DDC: variants seen among roughly 807,000 people sequenced by gnomAD.
DDC encodes dopa decarboxylase, also known as aromatic-L-amino-acid decarboxylase.
A neutral mutation model predicts 60.0 loss-of-function variants in DDC; 43 were observed. The observed-to-expected ratio is 0.72, with a 90% CI of 0.56 to 0.92. The LOEUF (loss-of-function observed/expected upper bound fraction) is 0.92, where lower values mean the gene tolerates loss of function less well. Ranked by LOEUF, DDC falls within the 40% of genes least tolerant of loss-of-function variation. DDC has a pLI of 0.00. For missense variants in DDC, 573 were observed against 620.2 expected, an observed-to-expected ratio of 0.92 and a Z score of 0.81; for synonymous variants, 232 against 234.6, an observed-to-expected ratio of 0.99 and a Z score of 0.10.
At chr7:50,481,386 C>A (rs929362947) in intron 9 of DDC, among the ~76,000 whole-genome samples, 4 of 152,060 alleles carry the variant, frequency 2.6e-5, no homozygotes. Context: ...TCCTTTGGGT[C>A]TCTCTGCATT....
chr7:50,556,901 G>T (rs1341599418), intron 1 of DDC, among the ~76,000 whole-genome samples: 4 of 152,204 alleles, frequency 2.6e-5, no homozygotes, highest in Non-Finnish European at 4.4e-5. Flanking sequence ...AGAGAAAACA[G>T]CTTGAGCCCA....
intron 14 of DDC, among the ~76,000 whole-genome samples, chr7:50,462,428 G>C (rs1352795499): frequency 1.3e-5 from 2 of 152,114 alleles, no homozygotes; most frequent in African/African-American, 4.8e-5. Flanking sequence ...ACTGCATGCT[G>C]TCTCCAGGGT....
intron 1 of DDC, among the ~76,000 whole-genome samples, chr7:50,548,068 G>A (rs2044864444): frequency 6.6e-6 from 1 of 152,170 alleles, no homozygotes; most frequent in African/African-American, 2.4e-5. Context: ...TATTGTAATT[G>A]TTTTGGGACA....
At chr7:50,463,146 G>T in intron 14 of DDC, 67 bp downstream of exon 14, 3 of 1,313,410 alleles carry the variant, frequency 2.3e-6, no homozygotes, top group Non-Finnish European at 3.2e-6. Flanking sequence ...GCTGGGTCTG[G>T]ACTCCAGGAG....
chr7:50,503,291 G>A (rs937597755), intron 7 of DDC, among the ~76,000 whole-genome samples: 5 of 152,232 alleles, frequency 3.3e-5, no homozygotes, highest in Non-Finnish European at 7.3e-5. Flanking sequence ...CCTGCCCTAC[G>A]AGGGTTCTTC....
chr7:50,493,044 T>C (rs1413834293), intron 9 of DDC: 2 of 1,531,894 alleles, frequency 1.3e-6, no homozygotes, highest in South Asian at 1.1e-5. Context: ...CTCCTTCTTA[T>C]CGTGTGTCAA....
chr7:50,494,761 A>G (rs1230218857), intron 9 of DDC, among the ~76,000 whole-genome samples: 1 of 151,934 alleles, frequency 6.6e-6, no homozygotes, highest in Non-Finnish European at 1.5e-5. Context: ...TCCCAGGTTC[A>G]AGCGATTCTC....
At chr7:50,484,718 C>T (rs1000365007) in intron 9 of DDC, among the ~76,000 whole-genome samples, 3 of 152,172 alleles carry the variant, frequency 2.0e-5, no homozygotes, top group African/African-American at 7.2e-5. Flanking sequence ...GGTGACCTCA[C>T]CTGCATGAGA....
At chr7:50,461,136 A>G (rs2042265367) in intron 14 of DDC, among the ~76,000 whole-genome samples, 2 of 152,202 alleles carry the variant, frequency 1.3e-5, no homozygotes, top group South Asian at 4.1e-4. Flanking sequence ...GAACGAACGT[A>G]TAATTTCTCC....
At chr7:50,485,257 A>G (rs994681815) in intron 9 of DDC, among the ~76,000 whole-genome samples, 3 of 152,210 alleles carry the variant, frequency 2.0e-5, no homozygotes, top group African/African-American at 7.2e-5. Context: ...AATGGCTCAC[A>G]TTTACAGATA....
chr7:50,524,209 G>A (rs56119509), intron 6 of DDC, among the ~76,000 whole-genome samples: 236 of 152,208 alleles, frequency 1.6e-3, no homozygotes, highest in Non-Finnish European at 2.4e-3. Context: ...TTATGGCAGT[G>A]AAACTATTCT....
At chr7:50,563,745 G>T (rs1210114074) in intron 1 of DDC, among the ~76,000 whole-genome samples, 6 of 152,098 alleles carry the variant, frequency 3.9e-5, no homozygotes, top group Non-Finnish European at 8.8e-5. Flanking sequence ...GGGACTACAG[G>T]TGCATGCCAC....
At chr7:50,503,859 G>T in intron 7 of DDC, 134 bp downstream of exon 7, 1 of 753,630 alleles carries the variant, frequency 1.3e-6, no homozygotes, top group Non-Finnish European at 2.4e-6. Context: ...TTGTGTTATT[G>T]CAAATACGAG....
At chr7:50,539,346 C>A (rs1296681850) in intron 3 of DDC, among the ~76,000 whole-genome samples, 1 of 152,120 alleles carries the variant, frequency 6.6e-6, no homozygotes, top group Non-Finnish European at 1.5e-5. Flanking sequence ...ACGGGCAGAG[C>A]CAGCCCTGCC....
At chr7:50,560,061 T>C (rs2045305662) in intron 1 of DDC, among the ~76,000 whole-genome samples, 2 of 152,196 alleles carry the variant, frequency 1.3e-5, no homozygotes, top group Non-Finnish European at 2.9e-5. Context: ...CTTAACTTGC[T>C]CTGTGGTCAG....
intron 8 of DDC, among the ~76,000 whole-genome samples, chr7:50,497,949 G>A (rs767107758): frequency 9.9e-5 from 15 of 152,096 alleles, no homozygotes; most frequent in Non-Finnish European, 1.8e-4. Context: ...AGCATTATGA[G>A]AATTCAAAGT....
chr7:50,521,302 A>G (rs2043883236), intron 6 of DDC, among the ~76,000 whole-genome samples: 1 of 152,216 alleles, frequency 6.6e-6, no homozygotes, highest in African/African-American at 2.4e-5. Flanking sequence ...AATTAGATCA[A>G]TAATTAAAAA....
intron 11 of DDC, among the ~76,000 whole-genome samples, chr7:50,471,977 A>G (rs1322425494): frequency 6.6e-6 from 1 of 152,218 alleles, no homozygotes; most frequent in African/African-American, 2.4e-5. Context: ...TTGGAAGAAT[A>G]CCAAGGTAAA....
At chr7:50,504,442 G>A (rs1433410657) in intron 6 of DDC, among the ~76,000 whole-genome samples, 1 of 151,508 alleles carries the variant, frequency 6.6e-6, no homozygotes, top group Non-Finnish European at 1.5e-5. Context: ...ATGTATGTGT[G>A]TATATTTTTG....
Sources: allele counts gnomAD v4.1 joint callset (sites outside exome capture counted in the v4.1 genomes callset), GRCh38; gene constraint gnomAD v4.1.1; transcripts MANE v1.5; gene names NCBI Gene and HGNC (gene_info 2026-07-23, HGNC 2026-07-21).